Variants in CLVS1 observed in about 807,000 individuals in gnomAD.
CLVS1 encodes the protein clavesin-1.
In CLVS1, 10 loss-of-function variants were observed where a neutral mutation model predicts 33.1. The ratio of observed to expected loss-of-function variants is 0.30; its 90% CI spans 0.19 to 0.51. The LOEUF is 0.51. Among genes scored for constraint, CLVS1 ranks in the 20% least tolerant of loss-of-function variants. CLVS1 has a pLI of 0.97. For missense variants in CLVS1, 343 were observed against 433.4 expected, an observed-to-expected ratio of 0.79 and a Z score of 1.85; for synonymous variants, 163 against 166.1, an observed-to-expected ratio of 0.98 and a Z score of 0.14.
chr8:60,989,731 A>G, the CLVS1 span, among the ~76,000 whole-genome samples: 4 of 152,160 alleles, frequency 2.6e-5, no homozygotes, highest in Non-Finnish European at 5.9e-5. Flanking sequence ...GCAATAGAAA[A>G]CAAGTTATAT....
chr8:61,102,916 G>T (rs1805476646), intron 1 of CLVS1, among the ~76,000 whole-genome samples: 1 of 152,160 alleles, frequency 6.6e-6, no homozygotes, highest in African/African-American at 2.4e-5. Context: ...ACCTCCCTGA[G>T]CTCTATGAAG....
At chr8:61,230,896 G>A (rs1808417115) in intron 2 of CLVS1, among the ~76,000 whole-genome samples, 1 of 152,142 alleles carries the variant, frequency 6.6e-6, no homozygotes, top group African/African-American at 2.4e-5. Context: ...TTTTTGATGT[G>A]TGCTCACATA....
intron 2 of CLVS1, among the ~76,000 whole-genome samples, chr8:61,161,032 T>C (rs1563425954): frequency 1.3e-5 from 2 of 152,182 alleles, no homozygotes; most frequent in Non-Finnish European, 2.9e-5. Flanking sequence ...GGAATAGGCA[T>C]TTCTCCAAAG....
intron 3 of CLVS1, among the ~76,000 whole-genome samples, chr8:61,416,977 G>T (rs1176551529): frequency 6.6e-6 from 1 of 152,200 alleles, no homozygotes; most frequent in African/African-American, 2.4e-5. Context: ...AGCAAGCCCA[G>T]TGGAAGCCAC....
chr8:61,237,363 C>T lies in CLVS1; in HGVS notation c.-151-62314C>T, dbSNP rs1205032390. ...CCCAGGAGGCTGAGGCAGGAGGATC[C>T]CATGAGCCCAGGAGTTTGAGGTGGC... On this transcript the variant is annotated intron_variant, in intron 2 of 2. Coordinates refer to the CLVS1 transcript ENST00000522621. 3.3e-5 allele frequency among the ~76,000 whole-genome samples: 5 copies of T among 152,074 alleles called. No individual in the cohort carries two copies. The South Asian group carries it at 1.0e-3, about 32-fold the overall frequency.
chr8:61,216,378 T>A (rs1808086918), intron 2 of CLVS1, among the ~76,000 whole-genome samples: 1 of 152,178 alleles, frequency 6.6e-6, no homozygotes, highest in Non-Finnish European at 1.5e-5. Context: ...GAGATATATC[T>A]GTTGAGCTCC....
At chr8:61,205,782 T>A (rs918914526) in intron 2 of CLVS1, among the ~76,000 whole-genome samples, 2 of 152,236 alleles carry the variant, frequency 1.3e-5, no homozygotes, top group African/African-American at 2.4e-5. Context: ...AATTATTTTT[T>A]AAAAATAATA....
chr8:61,444,149 A>T (rs1055772025), intron 3 of CLVS1, among the ~76,000 whole-genome samples: 4 of 152,172 alleles, frequency 2.6e-5, no homozygotes, highest in Non-Finnish European at 5.9e-5. Context: ...GGATTTTTTA[A>T]TGTAGACAGT....
At chr8:61,095,449 C>A (rs1805335638) in intron 1 of CLVS1, among the ~76,000 whole-genome samples, 1 of 152,084 alleles carries the variant, frequency 6.6e-6, no homozygotes, top group South Asian at 2.1e-4. Context: ...GGGACTGGGG[C>A]AGGAAAGTCC....
chr8:61,393,477 C>T (rs1176380991), intron 3 of CLVS1, among the ~76,000 whole-genome samples: 2 of 152,210 alleles, frequency 1.3e-5, no homozygotes, highest in Admixed American at 1.3e-4. Flanking sequence ...GTTATTGAAC[C>T]TTGTTGTGTA....
chr8:61,099,951 T>C (rs1012589675), intron 1 of CLVS1, among the ~76,000 whole-genome samples: 2 of 152,036 alleles, frequency 1.3e-5, no homozygotes, highest in African/African-American at 4.8e-5. Context: ...ATAAGCACAA[T>C]AGAAATCCAA....
rs1464040379 is a variant in CLVS1, at chr8:61,500,972, T to TTAA, written c.*1432_*1434dup. The TTAA allele has an allele frequency of 2.6e-5, 4 of 152,218 alleles. No homozygotes were observed. The highest frequency in any genetic ancestry group is 4.4e-5 in the Non-Finnish European group (3 of 68,036). 9.4% of individuals were successfully genotyped at this position (152,218 alleles called of 1,614,324 possible). A position where few individuals can be genotyped will look rare whatever the true frequency, so the allele number is the denominator to read the frequency against. On this transcript the variant is annotated 3_prime_UTR_variant, in exon 6 of 6. Coordinates refer to ENST00000325897, the MANE Select transcript of CLVS1 (RefSeq NM_173519.3). ...TCTCTTTCTCAATGGATCTAATGTT[T>TTAA]TAATTTTTTCCCCTATTGGTAGAGA...
intron 4 of CLVS1, among the ~76,000 whole-genome samples, chr8:61,455,177 T>TG (rs1563560374): frequency 9.7e-6 from 1 of 102,836 alleles, no homozygotes; most frequent in Non-Finnish European, 2.0e-5. Flanking sequence ...ATAATTATGA[T>TG]TTGTGTGTGT....
At chr8:61,080,173 C>T (rs951666776) in intron 1 of CLVS1, among the ~76,000 whole-genome samples, 1 of 152,060 alleles carries the variant, frequency 6.6e-6, no homozygotes, top group African/African-American at 2.4e-5. Flanking sequence ...TGTAACAAAA[C>T]AAAACAAAAG....
intron 2 of CLVS1, among the ~76,000 whole-genome samples, chr8:61,280,479 A>G (rs951323054): frequency 6.6e-6 from 1 of 152,222 alleles, no homozygotes; most frequent in Admixed American, 6.5e-5. Flanking sequence ...TTGACCTTGG[A>G]AACAGGCAGA....
intron 2 of CLVS1, among the ~76,000 whole-genome samples, chr8:61,280,009 C>G (rs1809638592): frequency 6.6e-6 from 1 of 151,998 alleles, no homozygotes; most frequent in East Asian, 1.9e-4. Context: ...ATCAGCATAA[C>G]AAATATTTTC....
chr8:61,360,884 T>C (rs1812946050), intron 2 of CLVS1, among the ~76,000 whole-genome samples: 1 of 152,200 alleles, frequency 6.6e-6, no homozygotes, highest in Non-Finnish European at 1.5e-5. Context: ...TAAAGAAATA[T>C]CTGAGACTAG....
intron 1 of CLVS1, among the ~76,000 whole-genome samples, chr8:61,107,250 C>G (rs865854564): frequency 2.0e-5 from 3 of 152,290 alleles, no homozygotes; most frequent in Middle Eastern, 6.8e-3. Context: ...CTTCTCACTG[C>G]CAAATCGAAC....
At chr8:61,014,677 T>C in the CLVS1 span, among the ~76,000 whole-genome samples, 1 of 152,168 alleles carries the variant, frequency 6.6e-6, no homozygotes, top group African/African-American at 2.4e-5. Context: ...CTGTAAAGCT[T>C]TGAATAAGGA....
Sources: allele counts gnomAD v4.1 joint callset (sites outside exome capture counted in the v4.1 genomes callset), GRCh38; gene constraint gnomAD v4.1.1; transcripts MANE v1.5; gene names NCBI Gene and HGNC (gene_info 2026-07-23, HGNC 2026-07-21).